The following DISP1 variants were observed in gnomAD, a reference collection of about 807,000 sequenced individuals.
DISP1 encodes protein dispatched homolog 1.
A neutral mutation model predicts 37.3 loss-of-function variants in DISP1; 30 were observed. That is an observed-to-expected ratio of 0.80 (90% CI 0.60 to 1.09). The LOEUF is 1.09. DISP1 is among the 50% of genes least tolerant of loss of function. DISP1 has a pLI of 0.00. For synonymous variants in DISP1, 634 were observed against 690.2 expected, an observed-to-expected ratio of 0.92 and a Z score of 1.28; for missense variants, 1,598 against 1,879.5, an observed-to-expected ratio of 0.85 and a Z score of 2.77.
intron 1 of DISP1, chr1:222,831,123 T>C (rs1665631015): frequency 6.6e-6 from 1 of 152,204 alleles, no homozygotes; most frequent in Non-Finnish European, 1.5e-5. Flanking sequence ...TATGGATTAA[T>C]TGTACAGAAC....
chr1:222,956,871 A>T (rs1204162024), intron 3 of DISP1, among the ~76,000 whole-genome samples: 2 of 152,152 alleles, frequency 1.3e-5, no homozygotes, highest in South Asian at 2.1e-4. Flanking sequence ...TTATACTCTT[A>T]TTAAGCATGT....
intron 1 of DISP1, among the ~76,000 whole-genome samples, chr1:222,835,847 G>C (rs1227616484): frequency 1.3e-5 from 2 of 151,896 alleles, no homozygotes; most frequent in African/African-American, 4.8e-5. Context: ...AGCTACTTGG[G>C]AGGCTGAGGC....
At position 222,855,976 on chromosome 1, in the gene DISP1, T is replaced by G. The variant is rs1016765799; in HGVS notation, c.-159+40898T>G. On this transcript the variant is annotated intron_variant, in intron 1 of 8. Coordinates refer to ENST00000675850, the MANE Select transcript of DISP1 (RefSeq NM_001377229.1). ...AGAACATTTAATATTTTGAAAAATA[T>G]GTCCTGGGGGAAAAGATTCTTCTGT... is the stretch of plus-strand genomic sequence containing the variant. Among the ~76,000 whole-genome samples, 3 of 151,890 alleles carry G rather than the reference T, an allele frequency of 2.0e-5. No individual in the cohort carries two copies. The East Asian group carries it at 5.8e-4, about 29-fold the overall frequency.
intron 1 of DISP1, among the ~76,000 whole-genome samples, chr1:222,901,429 T>C (rs1671573717): frequency 1.3e-5 from 2 of 151,778 alleles, no homozygotes; most frequent in Non-Finnish European, 2.9e-5. Flanking sequence ...CTGAGGGAAA[T>C]AAGAGTAAGA....
intron 1 of DISP1, among the ~76,000 whole-genome samples, chr1:222,899,092 A>G (rs2125401436): frequency 6.6e-6 from 1 of 152,276 alleles, no homozygotes; most frequent in South Asian, 2.1e-4. Flanking sequence ...TTCTTATGTA[A>G]GAATATTTTA....
At chr1:222,884,996 C>T (rs949076605) in intron 1 of DISP1, among the ~76,000 whole-genome samples, 4 of 152,116 alleles carry the variant, frequency 2.6e-5, no homozygotes, top group African/African-American at 9.7e-5. Context: ...GCCACTACGC[C>T]CGGCTAATTT....
In DISP1 at chr1:223,003,016, T is replaced by A. The variant is rs1486678692; in HGVS notation, c.1619T>A (p.Ile540Asn). 1 of 1,613,902 alleles carries A rather than the reference T, an allele frequency of 6.2e-7. No homozygotes were observed. Among genetic ancestry groups the A allele is most frequent in the Non-Finnish European group, 8.5e-7 (1 of 1,180,058 alleles). ...ATGTTTGCAATAATCAGTTCTTTGATTGTTTCCTATTTTCTCTATCGTGTA... is the reference window on the plus strand; with the variant it reads ...ATGTTTGCAATAATCAGTTCTTTGAATGTTTCCTATTTTCTCTATCGTGTA... ...MTMFAIISSLIVSYFLYRVVF... is the reference protein window; with the variant it reads ...MTMFAIISSLNVSYFLYRVVF... The change falls in exon 9 of 9, where the codon ATT (isoleucine) becomes AAT (asparagine). Residue 540 changes from isoleucine (I) to asparagine (N), a missense_variant. Ile to Asn is a moderately radical substitution (Grantham distance 149). Coordinates refer to ENST00000675850, the MANE Select transcript of DISP1 (RefSeq NM_001377229.1). This position sits in a 1 kb window ranked among gnomAD's most constrained non-coding sequence, Gnocchi z 4.3.
intron 1 of DISP1, among the ~76,000 whole-genome samples, chr1:222,860,164 C>T (rs1428622195): frequency 6.6e-6 from 1 of 152,216 alleles, no homozygotes; most frequent in East Asian, 1.9e-4. Context: ...TCAAGTGATT[C>T]TCCTGCCTCA....
chr1:222,979,390 G>A (rs1268953605), intron 3 of DISP1, among the ~76,000 whole-genome samples: 2 of 151,964 alleles, frequency 1.3e-5, no homozygotes, highest in Non-Finnish European at 2.9e-5. Context: ...CTGGGTGACA[G>A]AGCAAGACCT....
intron 4 of DISP1, among the ~76,000 whole-genome samples, chr1:222,985,439 C>T (rs529375557): frequency 6.6e-6 from 1 of 152,318 alleles, no homozygotes; most frequent in Admixed American, 6.5e-5. Context: ...ATCACGAGGT[C>T]AGGAGTTCGA....
At chr1:222,998,685 A>G (rs779848670) in intron 8 of DISP1, among the ~76,000 whole-genome samples, 8 of 152,100 alleles carry the variant, frequency 5.3e-5, no homozygotes, top group Non-Finnish European at 1.0e-4. Flanking sequence ...GAGTCTCTCT[A>G]ATCTTGACTC....
At chr1:222,882,177 AATTTAT>A (rs938872941) in intron 1 of DISP1, among the ~76,000 whole-genome samples, 1 of 152,168 alleles carries the variant, frequency 6.6e-6, no homozygotes, top group African/African-American at 2.4e-5. Flanking sequence ...AGATTTTCTT[AATTTAT>A]TTCATTATGG....
At chr1:222,986,379 A>G (rs897301596) in intron 4 of DISP1, among the ~76,000 whole-genome samples, 1 of 152,234 alleles carries the variant, frequency 6.6e-6, no homozygotes, top group Non-Finnish European at 1.5e-5. Flanking sequence ...TGACCCACTT[A>G]AAATTGGCCC....
chr1:222,840,207 G>A (rs1558286515), intron 1 of DISP1, among the ~76,000 whole-genome samples: 2 of 152,052 alleles, frequency 1.3e-5, no homozygotes, highest in Non-Finnish European at 2.9e-5. Context: ...AGGGACCACT[G>A]TATAAATTTA....
At chr1:222,916,825 T>C (rs1572503005) in intron 1 of DISP1, among the ~76,000 whole-genome samples, 1 of 152,194 alleles carries the variant, frequency 6.6e-6, no homozygotes, top group African/African-American at 2.4e-5. Context: ...TTCACAACCA[T>C]CTTGCAGAAT....
At chr1:222,928,926 T>A (rs562795055) in intron 2 of DISP1, among the ~76,000 whole-genome samples, 1 of 152,252 alleles carries the variant, frequency 6.6e-6, no homozygotes, top group Admixed American at 6.5e-5. Flanking sequence ...AAACAGAAAA[T>A]TTTCAAAATA....
intron 3 of DISP1, among the ~76,000 whole-genome samples, chr1:222,976,612 T>C (rs1391018869): frequency 6.6e-6 from 1 of 152,026 alleles, no homozygotes; most frequent in African/African-American, 2.4e-5. Context: ...TTTTTTAACA[T>C]AAAATGAAAT....
chr1:222,904,723 A>C (rs948710892), intron 1 of DISP1, among the ~76,000 whole-genome samples: 3 of 151,940 alleles, frequency 2.0e-5, no homozygotes, highest in Admixed American at 6.5e-5. Flanking sequence ...ACACACCACT[A>C]TGCCTGGCCA....
rs574804436 is a variant in DISP1 at position 223,005,791 on chromosome 1, A to C, written c.4394A>C (p.Asn1465Thr). The change falls in exon 9 of 9, where the codon AAT (asparagine) becomes ACT (threonine). Residue 1465 changes from asparagine (N) to threonine (T), a missense_variant. Physicochemically the swap from Asn to Thr is moderately conservative, Grantham distance 65. Coordinates refer to ENST00000675850, the MANE Select transcript of DISP1 (RefSeq NM_001377229.1). ...FNQNEPKVLF[N>T]HLMGEAGCRS... ...CAGAATGAACCAAAAGTCCTATTTA[A>C]TCATTTAATGGGGGAGGCTGGTTGT... is the stretch of plus-strand genomic sequence containing the variant. 1 of 1,614,240 alleles carries C rather than the reference A, an allele frequency of 6.2e-7. No individual in the cohort carries two copies. Among genetic ancestry groups the C allele is most frequent in the South Asian group, 1.1e-5 (1 of 91,088 alleles).
Sources: gnomAD v4.1 joint callset for allele counts (sites outside exome capture counted in the v4.1 genomes callset) on GRCh38, gnomAD v4.1.1 for gene constraint, Gnocchi (gnomAD v3.1) non-coding constraint, MANE v1.5 for transcripts, NCBI Gene and HGNC (gene_info 2026-07-23, HGNC 2026-07-21) for gene names.